GPR158: variants seen among roughly 807,000 people sequenced by gnomAD.
GPR158 encodes the protein metabotropic glycine receptor.
Under a neutral mutation model 78.2 loss-of-function variants are expected in GPR158, and 30 were observed. The observed-to-expected ratio is 0.38, with a 90% CI of 0.29 to 0.52. GPR158 has a LOEUF of 0.52. GPR158 is among the 20% of genes least tolerant of loss of function. The pLI, the probability that GPR158 is intolerant of heterozygous loss-of-function variation, is 0.83. For synonymous variants in GPR158, 581 were observed against 591.1 expected, an observed-to-expected ratio of 0.98 and a Z score of 0.25; for missense variants, 1,463 against 1,523.5, an observed-to-expected ratio of 0.96 and a Z score of 0.66.
intron 2 of GPR158, among the ~76,000 whole-genome samples, chr10:25,249,567 A>G (rs1371378215): frequency 2.0e-5 from 3 of 151,978 alleles, no homozygotes; most frequent in African/African-American, 7.3e-5. Context: ...CTATTGAGAT[A>G]ATCATGTGGA....
intron 2 of GPR158, among the ~76,000 whole-genome samples, chr10:25,277,862 A>G (rs970218595): frequency 1.2e-4 from 18 of 152,322 alleles, no homozygotes; most frequent in African/African-American, 3.1e-4. Flanking sequence ...AGAATTTGCA[A>G]CTACAGACCT....
In GPR158 at chr10:25,478,900, G is replaced by T. The variant is rs953829085; in HGVS notation, c.1404+12181G>T. Among the ~76,000 whole-genome samples, 40 of 150,206 alleles carry T rather than the reference G, an allele frequency of 2.7e-4. 2 individuals are homozygous for T. Among genetic ancestry groups the T allele is most frequent in the African/African-American group, 9.8e-5 (4 of 40,644 alleles). ...TATGAGTGAGAACATGCAGTGTTTGGTTTTTTTGTCATTGCGATAGTTTGC... is the reference window on the plus strand; with the variant it reads ...TATGAGTGAGAACATGCAGTGTTTGTTTTTTTTGTCATTGCGATAGTTTGC... On this transcript the variant is annotated intron_variant, in intron 5 of 10. Coordinates refer to ENST00000376351, the MANE Select transcript of GPR158 (RefSeq NM_020752.3).
At chr10:25,247,024 T>C (rs1280566028) in intron 2 of GPR158, among the ~76,000 whole-genome samples, 2 of 152,208 alleles carry the variant, frequency 1.3e-5, no homozygotes, top group East Asian at 3.9e-4. Flanking sequence ...CGGTGCCTTT[T>C]TAGCCAACTT....
Position 25,356,521 on chromosome 10 carries a change from G to C in GPR158, c.1009-39390G>C, listed in dbSNP as rs1855554597. Among the ~76,000 whole-genome samples, 4 of 152,088 alleles carry C rather than the reference G, an allele frequency of 2.6e-5. No individual in the cohort carries two copies. The South Asian group carries it at 8.3e-4, about 32-fold the overall frequency. ...TTGTGGGAGGGACCAGGTGGGAGAT[G>C]ATTGAATCATGGGGGAGAGCTTTTC... On this transcript the variant is annotated intron_variant, in intron 2 of 10. Transcript: ENST00000376351.
intron 5 of GPR158, among the ~76,000 whole-genome samples, chr10:25,531,198 G>A (rs1197740224): frequency 6.6e-6 from 1 of 152,178 alleles, no homozygotes; most frequent in African/African-American, 2.4e-5. Context: ...GGCACCTTGT[G>A]TGGAGATTGA....
intron 2 of GPR158, among the ~76,000 whole-genome samples, chr10:25,355,207 T>C (rs1564430915): frequency 7.9e-6 from 1 of 127,116 alleles, no homozygotes; most frequent in Non-Finnish European, 1.5e-5. Flanking sequence ...CTTTAGGTAA[T>C]CTTTTTTAAC....
chr10:25,258,775 C>T (rs1296075246), intron 2 of GPR158, among the ~76,000 whole-genome samples: 1 of 152,032 alleles, frequency 6.6e-6, no homozygotes, highest in African/African-American at 2.4e-5. Context: ...GGGCACCAAC[C>T]GCCTGTACAG....
chr10:25,267,470 CAT>C (rs905394081), intron 2 of GPR158, among the ~76,000 whole-genome samples: 4 of 152,116 alleles, frequency 2.6e-5, no homozygotes, highest in Admixed American at 1.3e-4. Context: ...CCTCCCACGA[CAT>C]GTGGGAATTA....
chr10:25,436,475 A>C (rs1021264045), intron 4 of GPR158, among the ~76,000 whole-genome samples: 1 of 152,250 alleles, frequency 6.6e-6, no homozygotes, highest in Non-Finnish European at 1.5e-5. Context: ...GAAGAAAACA[A>C]GGAAAATGCC....
At chr10:25,213,097 A>T (rs1387793758) in intron 1 of GPR158, among the ~76,000 whole-genome samples, 1 of 152,198 alleles carries the variant, frequency 6.6e-6, no homozygotes, top group African/African-American at 2.4e-5. Context: ...TGATCATATC[A>T]TGTACAAATA....
At chr10:25,582,574 G>A (rs979718797) in intron 7 of GPR158, among the ~76,000 whole-genome samples, 9 of 152,290 alleles carry the variant, frequency 5.9e-5, no homozygotes, top group East Asian at 5.8e-4. Flanking sequence ...AGCTCCTAGG[G>A]AGTGGTAAGA....
At chr10:25,466,049 G>C (rs1347633584) in intron 4 of GPR158, 1 of 152,212 alleles carries the variant, frequency 6.6e-6, no homozygotes, top group African/African-American at 2.4e-5. Flanking sequence ...CTCACAGGCG[G>C]ATAGAAAATA....
At chr10:25,242,594 T>C (rs538983122) in intron 2 of GPR158, among the ~76,000 whole-genome samples, 1 of 152,242 alleles carries the variant, frequency 6.6e-6, no homozygotes, top group African/African-American at 2.4e-5. Flanking sequence ...GGATAAGCCC[T>C]TGGCCATTCT....
intron 7 of GPR158, among the ~76,000 whole-genome samples, chr10:25,578,982 C>T (rs1353832700): frequency 6.6e-6 from 1 of 151,768 alleles, no homozygotes; most frequent in Non-Finnish European, 1.5e-5. Flanking sequence ...GCACTCCAGC[C>T]TGGGTAAACA....
Position 25,307,873 on chromosome 10 carries a change from G to C in GPR158, c.1008+86716G>C, listed in dbSNP as rs561491399. Reference sequence around the variant, plus strand: ...GTTCTAAATAACCTTGTGCTTATGTGTATTTATATTTTGAAAGTGCATCTT... The same window carrying C: ...GTTCTAAATAACCTTGTGCTTATGTCTATTTATATTTTGAAAGTGCATCTT... On this transcript the variant is annotated intron_variant, in intron 2 of 10. Transcript: ENST00000376351. 8.5e-5 allele frequency among the ~76,000 whole-genome samples: 13 copies of C among 152,130 alleles called. No individual in the cohort carries two copies. In the South Asian group the frequency reaches 2.7e-3, roughly 32 times the overall value.
intron 5 of GPR158, among the ~76,000 whole-genome samples, chr10:25,546,797 G>A (rs1317598176): frequency 6.6e-6 from 1 of 152,136 alleles, no homozygotes. Flanking sequence ...GTTCTTTCTA[G>A]AGGAAGGGAT....
intron 4 of GPR158, among the ~76,000 whole-genome samples, chr10:25,413,628 T>C (rs1382154666): frequency 6.6e-6 from 1 of 152,206 alleles, no homozygotes; most frequent in East Asian, 1.9e-4. Context: ...ATTGAAGGTA[T>C]AAAGTGTTCC....
intron 2 of GPR158, among the ~76,000 whole-genome samples, chr10:25,348,186 T>C (rs1426848423): frequency 6.6e-6 from 1 of 151,930 alleles, no homozygotes; most frequent in Non-Finnish European, 1.5e-5. Flanking sequence ...CGGTAGGTTA[T>C]ATAGGTTTTC....
At chr10:25,472,147 T>TAAG (rs1835515389) in intron 5 of GPR158, among the ~76,000 whole-genome samples, 2 of 152,242 alleles carry the variant, frequency 1.3e-5, no homozygotes, top group South Asian at 4.1e-4. Flanking sequence ...GTATAAGGTG[T>TAAG]AAGGAAGGGA....
Sources: allele counts gnomAD v4.1 joint callset (sites outside exome capture counted in the v4.1 genomes callset), GRCh38; gene constraint gnomAD v4.1.1; transcripts MANE v1.5; gene names NCBI Gene and HGNC (gene_info 2026-07-23, HGNC 2026-07-21).